C6orf89: variants seen among roughly 807,000 people sequenced by gnomAD.
C6orf89 encodes the protein bombesin receptor-activated protein C6orf89.
C6orf89 carries 29 observed loss-of-function variants against 40.7 expected under a neutral mutation model. The observed-to-expected ratio is 0.71, with a 90% CI of 0.53 to 0.97. The LOEUF is 0.97. Among genes scored for constraint, C6orf89 ranks in the 50% least tolerant of loss-of-function variants. C6orf89 has a pLI of 0.00. For synonymous variants in C6orf89, 165 were observed against 152.2 expected, an observed-to-expected ratio of 1.08 and a Z score of -0.62; for missense variants, 392 against 429.1, an observed-to-expected ratio of 0.91 and a Z score of 0.76.
chr6:36,919,444 T>C, intron 7 of C6orf89, 134 bp from the exon 8 acceptor site: 2 of 1,096,222 alleles, frequency 1.8e-6, no homozygotes, highest in Non-Finnish European at 1.3e-6. Flanking sequence ...ATTTTTGTTA[T>C]TGGTTCTATT....
chr6:36,877,843 C>G (rs567783505), intron 1 of C6orf89, among the ~76,000 whole-genome samples: 2 of 151,032 alleles, frequency 1.3e-5, no homozygotes, highest in East Asian at 2.0e-4. Context: ...CTTTGTGATA[C>G]CTTTTTGTGT....
In C6orf89 at chr6:36,919,606, T is replaced by G; in HGVS notation, c.854T>G (p.Ile285Ser). 6.2e-7 allele frequency: 1 copy of G among 1,614,096 alleles called. No homozygotes were observed. The highest frequency in any genetic ancestry group is 1.1e-5 in the South Asian group (1 of 91,082). Reference sequence around the variant, plus strand: ...CATAAGATGCCTGACCTATTTATCATTGGCAGCGGTGAGGCCATGTTGCAG... The same window carrying G: ...CATAAGATGCCTGACCTATTTATCAGTGGCAGCGGTGAGGCCATGTTGCAG... ...KMHKMPDLFI[I>S]GSGEAMLQLI... Residue 285 changes from isoleucine to serine, a missense_variant, in exon 8 of 9, where the codon ATT becomes AGT. Coordinates refer to ENST00000480824, the MANE Select transcript of C6orf89 (RefSeq NM_001286635.2).
intron 1 of C6orf89, chr6:36,874,812 C>T (rs757799232): frequency 1.1e-5 from 18 of 1,607,880 alleles, no homozygotes; most frequent in Non-Finnish European, 1.4e-5. Context: ...GTAATTGCTA[C>T]TTCCGGCGTC....
At chr6:36,906,757 C>T (rs1340834843) in intron 4 of C6orf89, among the ~76,000 whole-genome samples, 1 of 152,116 alleles carries the variant, frequency 6.6e-6, no homozygotes, top group East Asian at 1.9e-4. Flanking sequence ...TCACCCCTGC[C>T]TCATGCCCGG....
chr6:36,886,056 G>A (rs566282545), intron 1 of C6orf89, 28 bp downstream of exon 1: 4 of 1,204,954 alleles, frequency 3.3e-6, no homozygotes, highest in South Asian at 3.7e-5. Context: ...GAGGCTGGGT[G>A]GGGGGAGGCC....
intron 2 of C6orf89, among the ~76,000 whole-genome samples, chr6:36,898,451 G>A (rs1254340968): frequency 6.6e-6 from 1 of 151,712 alleles, no homozygotes; most frequent in Non-Finnish European, 1.5e-5. Flanking sequence ...GGCTAATTTA[G>A]TATTTTTAGT....
rs2150722088 is a variant in C6orf89 at position 36,925,466 on chromosome 6, G to A, written c.*2025G>A. ...AAACCCTTGCATGTGTTGGTATTCT[G>A]AGGCATCCCGTGGGAAAGTCCCCTA... On this transcript the variant is annotated 3_prime_UTR_variant, in exon 9 of 9. Coordinates refer to ENST00000480824, the MANE Select transcript of C6orf89 (RefSeq NM_001286635.2). The A allele has an allele frequency of 6.6e-6, 1 of 152,226 alleles. No individual in the cohort carries two copies. The highest frequency in any genetic ancestry group is 2.1e-4 in the South Asian group (1 of 4,818). The allele number at this position is 152,226 out of a possible 1,614,324, so 9.4% of individuals were successfully genotyped here. A position where few individuals can be genotyped will look rare whatever the true frequency, so the allele number is the denominator to read the frequency against.
intron 2 of C6orf89, among the ~76,000 whole-genome samples, chr6:36,895,479 A>T (rs538719941): frequency 6.6e-6 from 1 of 152,310 alleles, no homozygotes; most frequent in East Asian, 1.9e-4. Context: ...GTCACTTCCC[A>T]TCTGGAAATC....
intron 1 of C6orf89, chr6:36,874,779 G>A (rs1774604285): frequency 1.2e-6 from 2 of 1,613,928 alleles, no homozygotes; most frequent in South Asian, 2.2e-5. Flanking sequence ...CCATAGCGAA[G>A]CCGGCGGCGG....
chr6:36,874,250 T>C (rs1014641513), intron 1 of C6orf89, among the ~76,000 whole-genome samples: 4 of 152,248 alleles, frequency 2.6e-5, no homozygotes, highest in African/African-American at 7.2e-5. Flanking sequence ...CACTCTTTGA[T>C]AGTGGGGAAA....
chr6:36,916,937 C>A (rs987528379), intron 7 of C6orf89, among the ~76,000 whole-genome samples: 6 of 152,076 alleles, frequency 3.9e-5, no homozygotes, highest in African/African-American at 1.2e-4. Context: ...CAGCCATGAT[C>A]GGTGGTCGCT....
At chr6:36,912,753 C>A (rs1311120446) in intron 4 of C6orf89, among the ~76,000 whole-genome samples, 2 of 152,172 alleles carry the variant, frequency 1.3e-5, no homozygotes, top group African/African-American at 2.4e-5. Flanking sequence ...CAGATACTAT[C>A]TTCAAGAGAT....
intron 2 of C6orf89, among the ~76,000 whole-genome samples, chr6:36,896,657 TTGA>T (rs2150687051): frequency 6.6e-6 from 1 of 152,338 alleles, no homozygotes; most frequent in East Asian, 1.9e-4. Context: ...GTTTTTAATT[TTGA>T]TGAAGTCCAA....
chr6:36,923,470 C>T lies in C6orf89; in HGVS notation c.*29C>T, dbSNP rs1307451385. 6.4e-7 allele frequency: 1 copy of T among 1,556,984 alleles called. No homozygotes were observed. The highest frequency in any genetic ancestry group is 1.7e-5 in the Admixed American group (1 of 59,902). On this transcript the variant is annotated 3_prime_UTR_variant, in exon 9 of 9. Coordinates refer to ENST00000480824, the MANE Select transcript of C6orf89 (RefSeq NM_001286635.2). ...ATAGAACTGTGCACAGGAACAGCTT[C>T]CAGAGCCGAAAACCAGGTTGAAAGG...
intron 1 of C6orf89, among the ~76,000 whole-genome samples, chr6:36,892,006 A>G (rs1761225624): frequency 6.6e-6 from 1 of 152,222 alleles, no homozygotes; most frequent in Non-Finnish European, 1.5e-5. Flanking sequence ...CATTTCTCTT[A>G]ACTTCTTTTC....
intron 3 of C6orf89, 124 bp downstream of exon 3, chr6:36,899,757 T>G: frequency 1.1e-6 from 1 of 901,260 alleles, no homozygotes; most frequent in Non-Finnish European, 1.7e-6. Flanking sequence ...AAATTGGCCT[T>G]TGCTCTTGTT....
rs1441434801 is a variant in C6orf89, at chr6:36,925,529, A to G, written c.*2088A>G. 6.6e-6 allele frequency: 1 copy of G among 152,250 alleles called. No individual in the cohort carries two copies. Among genetic ancestry groups the G allele is most frequent in the Non-Finnish European group, 1.5e-5 (1 of 68,036 alleles). The allele number at this position is 152,250 out of a possible 1,614,324, so 9.4% of individuals were successfully genotyped here. A position where few individuals can be genotyped will look rare whatever the true frequency, so the allele number is the denominator to read the frequency against. Reference sequence around the variant, plus strand: ...TACTTCAACAAAAAATGACTGTAGCAGAAGATAAGTGGAGACTTTTATGGA... The same window carrying G: ...TACTTCAACAAAAAATGACTGTAGCGGAAGATAAGTGGAGACTTTTATGGA... On this transcript the variant is annotated 3_prime_UTR_variant, in exon 9 of 9. Coordinates refer to ENST00000480824, the MANE Select transcript of C6orf89 (RefSeq NM_001286635.2).
Position 36,923,440 on chromosome 6 carries a change from A to G in C6orf89, c.1043A>G (p.Ter348TrpextTer60), listed in dbSNP as rs1762582376. The change falls in exon 9 of 9, where the codon TAG becomes TGG. Residue 348 changes from the stop codon to tryptophan, a stop_lost. Coordinates refer to ENST00000480824, the MANE Select transcript of C6orf89 (RefSeq NM_001286635.2). ...GATGGAACCGCTTTCTCAGAACTGT[A>G]GGAAATAGAACTGTGCACAGGAACA... ...ICDGTAFSEL[*>W] The G allele has an allele frequency of 6.2e-7, 1 of 1,611,588 alleles. No homozygotes were observed. The highest frequency in any genetic ancestry group is 1.7e-5 in the Admixed American group (1 of 60,010).
chr6:36,909,370 T>G (rs190082927), intron 4 of C6orf89, among the ~76,000 whole-genome samples: 3 of 152,314 alleles, frequency 2.0e-5, no homozygotes, highest in South Asian at 2.1e-4. Context: ...CAGCTTATAC[T>G]TTCATTAACA....
Sources: allele counts gnomAD v4.1 joint callset (sites outside exome capture counted in the v4.1 genomes callset), GRCh38; gene constraint gnomAD v4.1.1; transcripts MANE v1.5; gene names NCBI Gene and HGNC (gene_info 2026-07-23, HGNC 2026-07-21).